LHFPL3: variants seen among roughly 807,000 people sequenced by gnomAD.
The protein encoded by LHFPL3 is LHFPL tetraspan subfamily member 3 protein.
LHFPL3 carries 5 observed loss-of-function variants against 19.3 expected under a neutral mutation model. The observed-to-expected ratio is 0.26, with a 90% CI of 0.14 to 0.54. The LOEUF (loss-of-function observed/expected upper bound fraction) is 0.54. LHFPL3 is among the 20% of genes least tolerant of loss of function. LHFPL3 has a pLI of 0.94. For missense variants in LHFPL3, 249 were observed against 307.4 expected, an observed-to-expected ratio of 0.81 and a Z score of 1.42; for synonymous variants, 133 against 126.2, an observed-to-expected ratio of 1.05 and a Z score of -0.36.
At chr7:104,556,924 A>G (rs953092869) in intron 1 of LHFPL3, among the ~76,000 whole-genome samples, 3 of 152,216 alleles carry the variant, frequency 2.0e-5, no homozygotes, top group African/African-American at 7.2e-5. Flanking sequence ...TCTCTAGGGC[A>G]GGAGCAGAAT....
chr7:104,638,924 C>T (rs1304994523), intron 1 of LHFPL3, among the ~76,000 whole-genome samples: 3 of 151,604 alleles, frequency 2.0e-5, no homozygotes, highest in Non-Finnish European at 2.9e-5. Context: ...CGCCTCACCA[C>T]ACCCAGCATT....
intron 1 of LHFPL3, among the ~76,000 whole-genome samples, chr7:104,347,644 T>A (rs533693564): frequency 3.9e-5 from 6 of 152,240 alleles, no homozygotes; most frequent in African/African-American, 1.4e-4. Context: ...ATGCCTGTAA[T>A]CCCTTGGGAG....
At chr7:104,859,562 G>A (rs186344697) in intron 2 of LHFPL3, among the ~76,000 whole-genome samples, 4 of 151,734 alleles carry the variant, frequency 2.6e-5, no homozygotes, top group East Asian at 3.9e-4. Flanking sequence ...CCAAACACTC[G>A]GGAGGCTGAG....
rs571171040 is a variant in LHFPL3, at chr7:104,365,787, C to CAAAAAAAAAAAAA, written c.445+36569_445+36581dup. On this transcript the variant is annotated intron_variant, in intron 1 of 2. Transcript: ENST00000424859. ...TGGGCGACAGAGCGAGACTCCGTCT[C>CAAAAAAAAAAAAA]AAAAAAAAAAAAAAAAAAGAAAAGC... Among the ~76,000 whole-genome samples the CAAAAAAAAAAAAA allele has an allele frequency of 4.2e-4, 21 of 49,946 alleles. 1 individual carries two copies. The East Asian group carries it at 0.013, about 30-fold the overall frequency. The allele number at this position is 49,946 out of a possible 152,430, so 32.8% of individuals were successfully genotyped here.
intron 1 of LHFPL3, among the ~76,000 whole-genome samples, chr7:104,635,652 T>C (rs533839600): frequency 6.6e-6 from 1 of 152,302 alleles, no homozygotes; most frequent in South Asian, 2.1e-4. Context: ...TATCTCTCTG[T>C]GCCATTTCTC....
chr7:104,592,609 G>C (rs1790749749), intron 1 of LHFPL3, among the ~76,000 whole-genome samples: 1 of 152,128 alleles, frequency 6.6e-6, no homozygotes, highest in African/African-American at 2.4e-5. Flanking sequence ...TGTGCTGGGA[G>C]AACCACTATT....
chr7:104,522,647 G>A lies in LHFPL3; in HGVS notation c.445+193423G>A, dbSNP rs143531805. On this transcript the variant is annotated intron_variant, in intron 1 of 2. Transcript: ENST00000424859. ...GCCTCAAGAAACCTAAAATCCAGCT[G>A]AACAGACAGGATTTGTTCTTAAAGA... 1.6e-4 allele frequency among the ~76,000 whole-genome samples: 24 copies of A among 152,190 alleles called. No homozygotes were observed. In the East Asian group the frequency reaches 4.4e-3, roughly 28 times the overall value.
intron 1 of LHFPL3, among the ~76,000 whole-genome samples, chr7:104,495,347 A>G (rs1455830950): frequency 6.6e-6 from 1 of 152,078 alleles, no homozygotes; most frequent in African/African-American, 2.4e-5. Flanking sequence ...AGCTAGGACT[A>G]CAGGTGTACA....
At chr7:104,701,086 T>C (rs1793091529) in intron 1 of LHFPL3, among the ~76,000 whole-genome samples, 1 of 152,236 alleles carries the variant, frequency 6.6e-6, no homozygotes, top group African/African-American at 2.4e-5. Context: ...GTGTCTTTAC[T>C]ATGCCCTCTC....
At chr7:104,902,593 C>T (rs1371010124) in intron 2 of LHFPL3, among the ~76,000 whole-genome samples, 2 of 151,896 alleles carry the variant, frequency 1.3e-5, no homozygotes. Context: ...TCGAGACCAG[C>T]CTGGCCAACA....
At chr7:104,842,096 T>G (rs750496756) in intron 2 of LHFPL3, among the ~76,000 whole-genome samples, 1 of 151,294 alleles carries the variant, frequency 6.6e-6, no homozygotes, top group African/African-American at 2.4e-5. Context: ...AGCACTTTTA[T>G]AGAGGATTAA....
chr7:104,830,037 A>G lies in LHFPL3; in HGVS notation c.683-76150A>G, dbSNP rs1000064343. On this transcript the variant is annotated intron_variant, in intron 2 of 2. Coordinates refer to ENST00000424859, the MANE Select transcript of LHFPL3 (RefSeq NM_199000.3). ...TGATCGCCATTCTAACTGGTGTGAG[A>G]TGGTGTCTCATTGTGGTTTTGATTT... Among the ~76,000 whole-genome samples the G allele has an allele frequency of 1.3e-5, 2 of 151,904 alleles. 1 individual carries two copies.
intron 2 of LHFPL3, chr7:104,738,607 CA>C (rs1304958601): frequency 3.9e-5 from 6 of 152,010 alleles, no homozygotes; most frequent in Non-Finnish European, 7.4e-5. Flanking sequence ...ATAACAAAAG[CA>C]GGAAGATTTT....
At chr7:104,561,710 T>G (rs1202264359) in intron 1 of LHFPL3, among the ~76,000 whole-genome samples, 3 of 152,026 alleles carry the variant, frequency 2.0e-5, no homozygotes, top group African/African-American at 2.4e-5. Context: ...TATGTGTGAA[T>G]TTGATCCTGT....
intron 2 of LHFPL3, chr7:104,802,892 T>A (rs1004608584): frequency 6.6e-6 from 1 of 152,248 alleles, no homozygotes; most frequent in Admixed American, 6.5e-5. Flanking sequence ...CTCTTTTTAA[T>A]GTGTCCTCAT....
At chr7:104,870,041 T>C (rs1421023515) in intron 2 of LHFPL3, among the ~76,000 whole-genome samples, 1 of 144,546 alleles carries the variant, frequency 6.9e-6, no homozygotes, top group South Asian at 2.1e-4. Flanking sequence ...AATTGAACAA[T>C]GAGAACACAT....
At chr7:104,531,102 T>C (rs1388840515) in intron 1 of LHFPL3, among the ~76,000 whole-genome samples, 1 of 152,240 alleles carries the variant, frequency 6.6e-6, no homozygotes, top group African/African-American at 2.4e-5. Flanking sequence ...GGATGCTCAC[T>C]TAACATTTGC....
At chr7:104,514,682 C>T (rs767242605) in intron 1 of LHFPL3, among the ~76,000 whole-genome samples, 3 of 152,122 alleles carry the variant, frequency 2.0e-5, no homozygotes, top group Non-Finnish European at 4.4e-5. Context: ...GGTTCTCAAA[C>T]CTGATTGCAA....
intron 2 of LHFPL3, among the ~76,000 whole-genome samples, chr7:104,748,747 T>C (rs1159023045): frequency 6.6e-6 from 1 of 152,138 alleles, no homozygotes; most frequent in African/African-American, 2.4e-5. Context: ...GCTGGTGGGA[T>C]CCTCCATATG....
Sources: gnomAD v4.1 joint callset for allele counts (sites outside exome capture counted in the v4.1 genomes callset) on GRCh38, gnomAD v4.1.1 for gene constraint, MANE v1.5 for transcripts, NCBI Gene and HGNC (gene_info 2026-07-23, HGNC 2026-07-21) for gene names.